COL18A1: variants seen among roughly 807,000 people sequenced by gnomAD.
The protein encoded by COL18A1 is collagen type XVIII alpha 1 chain.
In COL18A1, 133 loss-of-function variants were observed where a neutral mutation model predicts 168.0. The ratio of observed to expected loss-of-function variants is 0.79; its 90% confidence interval spans 0.69 to 0.91. COL18A1 has a LOEUF of 0.91. COL18A1 is among the 40% of genes least tolerant of loss of function. The pLI is 0.00. For synonymous variants in COL18A1, 949 were observed against 809.0 expected, an observed-to-expected ratio of 1.17 and a Z score of -2.94; for missense variants, 2,126 against 1,925.4, an observed-to-expected ratio of 1.10 and a Z score of -1.95.
intron 33 of COL18A1, 175 bp from the exon 34 acceptor site, chr21:45,504,241 G>T: frequency 1.1e-6 from 1 of 887,476 alleles, no homozygotes; most frequent in South Asian, 1.5e-5. Context: ...GTTTTTGGGG[G>T]ACTCGGCTGA....
chr21:45,501,625 C>T (rs1338129421), intron 32 of COL18A1, among the ~76,000 whole-genome samples: 1 of 152,168 alleles, frequency 6.6e-6, no homozygotes, highest in African/African-American at 2.4e-5. Flanking sequence ...TTGCCCTGCA[C>T]AATCCCCGGT....
At chr21:45,491,813 C>T (rs2036363752) in intron 22 of COL18A1, among the ~76,000 whole-genome samples, 1 of 152,216 alleles carries the variant, frequency 6.6e-6, no homozygotes, top group African/African-American at 2.4e-5. Context: ...CAGAGGCAGA[C>T]GCATCTCCGC....
intron 2 of COL18A1, chr21:45,422,373 C>T (rs375208203): frequency 2.2e-5 from 10 of 463,412 alleles, no homozygotes; most frequent in African/African-American, 6.1e-5. Context: ...ATTTGGAGTG[C>T]GATGGCGGGG....
chr21:45,499,204 G>C (rs1039899614), intron 32 of COL18A1, among the ~76,000 whole-genome samples: 3 of 151,922 alleles, frequency 2.0e-5, no homozygotes, highest in African/African-American at 7.3e-5. Context: ...GTACTCCCGT[G>C]GCCTTCAGAA....
chr21:45,410,272 C>T (rs1224603695), intron 2 of COL18A1, among the ~76,000 whole-genome samples: 1 of 152,208 alleles, frequency 6.6e-6, no homozygotes, highest in Non-Finnish European at 1.5e-5. Context: ...CCCTGTGGGC[C>T]CCTCGTTCCC....
At chr21:45,442,220 G>A (rs1325333115) in intron 2 of COL18A1, among the ~76,000 whole-genome samples, 1 of 152,208 alleles carries the variant, frequency 6.6e-6, no homozygotes, top group Non-Finnish European at 1.5e-5. Flanking sequence ...CCGGTGCACA[G>A]GGTGCACGTG....
At chr21:45,431,328 G>T (rs1008635900) in intron 2 of COL18A1, among the ~76,000 whole-genome samples, 3 of 152,028 alleles carry the variant, frequency 2.0e-5, no homozygotes, top group African/African-American at 7.2e-5. Flanking sequence ...TGCAGAGACA[G>T]CGGAGCGTGT....
At chr21:45,431,132 G>A (rs79220043) in intron 2 of COL18A1, among the ~76,000 whole-genome samples, 3,173 of 152,204 alleles carry the variant, frequency 0.021, 105 homozygotes, top group African/African-American at 0.071. Context: ...CATTCATAGC[G>A]GCTTATCTGG....
intron 2 of COL18A1, among the ~76,000 whole-genome samples, chr21:45,437,165 C>A (rs2034137178): frequency 9.2e-6 from 1 of 109,084 alleles, no homozygotes; most frequent in Non-Finnish European, 1.8e-5. Flanking sequence ...CAGACACAGG[C>A]ACTCTCCTGC....
chr21:45,437,546 GCACACACACACACACA>G (rs2145801056), intron 2 of COL18A1, among the ~76,000 whole-genome samples: 2 of 33,986 alleles, frequency 5.9e-5, no homozygotes, highest in Non-Finnish European at 1.1e-4. Flanking sequence ...GCACTCTCCT[GCACACACACACACACA>G]GACACAGGCA....
At chr21:45,412,055 G>A (rs1169602813) in intron 2 of COL18A1, among the ~76,000 whole-genome samples, 2 of 152,084 alleles carry the variant, frequency 1.3e-5, no homozygotes, top group Admixed American at 6.5e-5. Context: ...AGGGGCCGTC[G>A]TGCTTCTCTG....
At chr21:45,486,630 G>A (rs774296478) in intron 15 of COL18A1, among the ~76,000 whole-genome samples, 4 of 152,234 alleles carry the variant, frequency 2.6e-5, no homozygotes, top group South Asian at 2.1e-4. Context: ...GCCCAACCCC[G>A]ACCAAGTTCG....
At chr21:45,442,935 G>C (rs2034415116) in intron 2 of COL18A1, among the ~76,000 whole-genome samples, 2 of 141,728 alleles carry the variant, frequency 1.4e-5, no homozygotes, top group African/African-American at 5.7e-5. Context: ...CGGTGGTGGT[G>C]CTGGTGTGGG....
Position 45,498,164 on chromosome 21 carries a change from T to C in COL18A1, c.2683+503T>C. The C allele has an allele frequency of 6.0e-6, 4 of 672,042 alleles. No individual in the cohort carries two copies. The South Asian group carries it at 6.3e-5, about 11-fold the overall frequency. The allele number at this position is 672,042 out of a possible 1,614,324, so 41.6% of individuals were successfully genotyped here. On this transcript the variant is annotated intron_variant, in intron 32 of 41. Coordinates refer to ENST00000651438, the MANE Select transcript of COL18A1 (RefSeq NM_001379500.1). The surrounding 1 kb of genome is among the most constrained non-coding windows in gnomAD (Gnocchi z 4.5). ...CCTCCATTGAGGGTGGCAGGGCTGC[T>C]TGGATGTCCTGCCAAGACCACTGAG...
intron 2 of COL18A1, among the ~76,000 whole-genome samples, chr21:45,437,108 C>A (rs1346360487): frequency 1.1e-5 from 1 of 93,968 alleles, no homozygotes; most frequent in Non-Finnish European, 2.0e-5. Context: ...CTCCTGCACA[C>A]ACACTCACAC....
rs892581166 is a variant in COL18A1, at chr21:45,487,838, A to G, written c.1896+329A>G. ...TCATCACATTCTTTTTGTGGCCCCA[A>G]TTTTTGGTAGTAACAAATGTTTGGC... On this transcript the variant is annotated intron_variant, in intron 17 of 41. Coordinates refer to ENST00000651438, the MANE Select transcript of COL18A1 (RefSeq NM_001379500.1). 6.6e-5 allele frequency among the ~76,000 whole-genome samples: 10 copies of G among 152,216 alleles called. No individual in the cohort carries two copies. In the East Asian group the frequency reaches 9.6e-4, roughly 15 times the overall value.
intron 11 of COL18A1, 132 bp from the exon 12 acceptor site, chr21:45,480,335 C>A: frequency 6.6e-7 from 1 of 1,522,898 alleles, no homozygotes; most frequent in East Asian, 2.4e-5. Context: ...TCTCTGGGGG[C>A]AGCAGAGGGG....
chr21:45,495,552 T>A, intron 29 of COL18A1, 120 bp downstream of exon 29: 1 of 812,728 alleles, frequency 1.2e-6, no homozygotes, highest in Non-Finnish European at 2.1e-6. Context: ...CCCTGCCATG[T>A]GGCCACACAG....
chr21:45,504,280 AT>A, intron 33 of COL18A1, 135 bp from the exon 34 acceptor site: 1 of 954,994 alleles, frequency 1.0e-6, no homozygotes, highest in Non-Finnish European at 1.6e-6. Context: ...GTCGAGCCCT[AT>A]TCTATGCAGC....
Sources: allele counts gnomAD v4.1 joint callset (sites outside exome capture counted in the v4.1 genomes callset), GRCh38; gene constraint gnomAD v4.1.1; non-coding constraint Gnocchi (gnomAD v3.1); transcripts MANE v1.5; gene names NCBI Gene and HGNC (gene_info 2026-07-23, HGNC 2026-07-21).